The following HEMK2 variants were observed in gnomAD, a reference collection of about 807,000 sequenced individuals.
HEMK2 encodes the protein HemK methyltransferase 2, ETF1 glutamine and histone H4 lysine.
chr21:28,590,872 A>G, the HEMK2 span, among the ~76,000 whole-genome samples: 6 of 152,262 alleles, frequency 3.9e-5, no homozygotes, highest in African/African-American at 1.4e-4. Context: ...TGCAGCAGGC[A>G]TGCATAAGTG....
chr21:28,647,999 TGA>T, the HEMK2 span, among the ~76,000 whole-genome samples: 9 of 152,208 alleles, frequency 5.9e-5, no homozygotes, highest in African/African-American at 2.2e-4. Flanking sequence ...ACATGAGACT[TGA>T]GAGTGTAATT....
At chr21:28,633,103 G>A in the HEMK2 span, among the ~76,000 whole-genome samples, 2 of 152,258 alleles carry the variant, frequency 1.3e-5, no homozygotes, top group Non-Finnish European at 2.9e-5. Context: ...CTCACCCACT[G>A]GATGAGATTA....
At chr21:28,866,169 A>C in the HEMK2 span, among the ~76,000 whole-genome samples, 959 of 126,050 alleles carry the variant, frequency 7.6e-3, 164 homozygotes, top group African/African-American at 0.029. Context: ...AACAAACAAA[A>C]AAAAAAACAC....
At chr21:28,593,020 T>C in the HEMK2 span, among the ~76,000 whole-genome samples, 2 of 152,110 alleles carry the variant, frequency 1.3e-5, no homozygotes, top group Non-Finnish European at 2.9e-5. Flanking sequence ...CTTTGTTTCA[T>C]GTAAAAAAAT....
At chr21:28,695,823 C>G in the HEMK2 span, among the ~76,000 whole-genome samples, 1 of 151,824 alleles carries the variant, frequency 6.6e-6, no homozygotes, top group Non-Finnish European at 1.5e-5. Flanking sequence ...TAAAAGTCCA[C>G]AGTCCAAAGT....
chr21:28,883,544 A>ATAATAATTCTTT, the HEMK2 span, among the ~76,000 whole-genome samples: 1 of 152,132 alleles, frequency 6.6e-6, no homozygotes, highest in South Asian at 2.1e-4. Context: ...GAGAATTAAA[A>ATAATAATTCTTT]GGTCCCCCAA....
the HEMK2 span, among the ~76,000 whole-genome samples, chr21:28,597,641 C>T: frequency 0.018 from 2,701 of 152,072 alleles, 106 homozygotes; most frequent in African/African-American, 0.063. Flanking sequence ...ACATTTGAGA[C>T]AAGGAATCAA....
At chr21:28,884,981 G>A in the HEMK2 span, among the ~76,000 whole-genome samples, 2 of 152,158 alleles carry the variant, frequency 1.3e-5, no homozygotes, top group African/African-American at 2.4e-5. Context: ...AGCAGTCAGG[G>A]AGCTCATGAG....
the HEMK2 span, among the ~76,000 whole-genome samples, chr21:28,816,553 C>T: frequency 1.1e-4 from 17 of 152,082 alleles, no homozygotes; most frequent in African/African-American, 1.4e-4. Flanking sequence ...TGGTGGCATA[C>T]GCTTGTAGTC....
the HEMK2 span, chr21:28,876,567 T>A: frequency 6.1e-6 from 5 of 813,540 alleles, no homozygotes; most frequent in Non-Finnish European, 9.6e-6. Flanking sequence ...TTTAATAAGT[T>A]AAACACAGAT....
chr21:28,813,657 A>G, the HEMK2 span, among the ~76,000 whole-genome samples: 16 of 152,228 alleles, frequency 1.1e-4, no homozygotes, highest in Admixed American at 9.8e-4. Flanking sequence ...TGGAGGCATC[A>G]CATTACCTGA....
chr21:28,864,820 C>CAGATAGATAGAT, the HEMK2 span, among the ~76,000 whole-genome samples: 1,798 of 119,188 alleles, frequency 0.015, 18 homozygotes, highest in East Asian at 0.045. Flanking sequence ...GACAGACAGA[C>CAGATAGATAGAT]AGATAGATAG....
chr21:28,638,602 G>A, the HEMK2 span, among the ~76,000 whole-genome samples: 1 of 152,122 alleles, frequency 6.6e-6, no homozygotes, highest in Non-Finnish European at 1.5e-5. Context: ...AAACCTAGAG[G>A]TTTAAAAGAA....
At chr21:28,684,940 A>G in the HEMK2 span, among the ~76,000 whole-genome samples, 2 of 152,254 alleles carry the variant, frequency 1.3e-5, no homozygotes, top group Non-Finnish European at 2.9e-5. Flanking sequence ...AGAGGTAAAG[A>G]CAGATTTTCA....
At chr21:28,709,657 C>CAAGA in the HEMK2 span, among the ~76,000 whole-genome samples, 1 of 152,096 alleles carries the variant, frequency 6.6e-6, no homozygotes, top group Non-Finnish European at 1.5e-5. Context: ...GTCTGTCTTC[C>CAAGA]TTTCTTCCAC....
At chr21:28,858,954 T>A in the HEMK2 span, among the ~76,000 whole-genome samples, 1 of 152,218 alleles carries the variant, frequency 6.6e-6, no homozygotes, top group Non-Finnish European at 1.5e-5. Context: ...AGGTCAATTA[T>A]CTTATTTGAG....
the HEMK2 span, among the ~76,000 whole-genome samples, chr21:28,640,407 AT>A: frequency 3.3e-5 from 5 of 152,192 alleles, no homozygotes; most frequent in Non-Finnish European, 7.3e-5. Flanking sequence ...GGACACGAAT[AT>A]TTCTAAATTT....
chr21:28,863,455 T>G, the HEMK2 span, among the ~76,000 whole-genome samples: 3 of 92,418 alleles, frequency 3.2e-5, no homozygotes, highest in Non-Finnish European at 6.4e-5. Flanking sequence ...TATATATATA[T>G]ATATATATAT....
the HEMK2 span, among the ~76,000 whole-genome samples, chr21:28,585,939 C>T: frequency 6.6e-6 from 1 of 152,248 alleles, no homozygotes; most frequent in East Asian, 1.9e-4. Flanking sequence ...TAGTTTAATC[C>T]TCCACCACAA....
Sources: gnomAD v4.1 joint callset for allele counts (sites outside exome capture counted in the v4.1 genomes callset) on GRCh38, gnomAD v4.1.1 for gene constraint, MANE v1.5 for transcripts, NCBI Gene and HGNC (gene_info 2026-07-23, HGNC 2026-07-21) for gene names.